Variants in PTCH2 observed in about 807,000 individuals in gnomAD.
PTCH2 encodes protein patched homolog 2.
PTCH2 carries 96 observed loss-of-function variants against 117.9 expected under a neutral mutation model. That is an observed-to-expected ratio of 0.81 (90% CI 0.69 to 0.96). The LOEUF is 0.96. PTCH2 is among the 50% of genes least tolerant of loss of function. The pLI is 0.00. For synonymous variants in PTCH2, 615 were observed against 660.9 expected (o/e 0.93, Z 1.06); for missense variants, 1,379 against 1,562.5 (o/e 0.88, Z 1.98).
Position 44,828,990 on chromosome 1 carries a change from G to A in PTCH2, c.1456C>T (p.Pro486Ser). ...HAFTEALPGT[P>S]LQERMGECLQ... ...GGGGGACAAGGCCCCACCTGGAGAG[G>A]GGTGCCAGGCAGAGCCTCTGTGAAG... Residue 486 changes from proline to serine, a missense_variant, in exon 11 of 22, where the codon CCT becomes TCT. By Grantham distance (74) the Pro-to-Ser change is moderately conservative (BLOSUM62 -1). Transcript: ENST00000372192. 1 of 1,557,766 alleles carries A rather than the reference G, an allele frequency of 6.4e-7. No individual in the cohort carries two copies.
In PTCH2 at chr1:44,831,850, T is replaced by C. The variant is rs1434462196; in HGVS notation, c.526-53A>G. 2 of 1,591,426 alleles carry C rather than the reference T, an allele frequency of 1.3e-6. No individual in the cohort carries two copies. Among genetic ancestry groups the C allele is most frequent in the Non-Finnish European group, 1.7e-6 (2 of 1,159,588 alleles). On this transcript the variant is annotated intron_variant, in intron 4 of 21. Transcript: ENST00000372192. The surrounding 1 kb of genome is among the most constrained non-coding windows in gnomAD (Gnocchi z 4.3). ...GTCCTGCCCCACAACCTTTGTAGGATGCCCTCTGCAATCCCCCTCCTTAGT... is the reference window on the plus strand; with the variant it reads ...GTCCTGCCCCACAACCTTTGTAGGACGCCCTCTGCAATCCCCCTCCTTAGT...
Position 44,827,603 on chromosome 1 carries a change from G to A in PTCH2, c.2170C>T (p.His724Tyr), listed in dbSNP as rs1653221310. 2 of 1,613,804 alleles carry A rather than the reference G, an allele frequency of 1.2e-6. No individual in the cohort carries two copies. Among genetic ancestry groups the A allele is most frequent in the Non-Finnish European group, 1.7e-6 (2 of 1,180,042 alleles). ...TDVVPRGTKE[H>Y]AFLSAQLRYF... ...CTGAGCTGGGCGCTCAGGAAGGCAT[G>A]CTCCTTGGTGCCCCGAGGCACCACA... The change falls in exon 15 of 22, where the codon CAT (histidine) becomes TAT (tyrosine). Residue 724 changes from histidine to tyrosine, a missense_variant. Physicochemically the swap from His to Tyr is moderately conservative, Grantham distance 83 (BLOSUM62 2). Coordinates refer to ENST00000372192, the MANE Select transcript of PTCH2 (RefSeq NM_003738.5).
At position 44,822,092 on chromosome 1, in the gene PTCH2, C is replaced by T. The variant is rs549880657; in HGVS notation, c.*323G>A. Reference sequence around the variant, plus strand: ...GAGAGCCTGCCCAGGAGTCACCAGACGGAAGGGTGCTGGAGGGTCCCTCAG... The same window carrying T: ...GAGAGCCTGCCCAGGAGTCACCAGATGGAAGGGTGCTGGAGGGTCCCTCAG... On this transcript the variant is annotated 3_prime_UTR_variant, in exon 22 of 22. Coordinates refer to ENST00000372192, the MANE Select transcript of PTCH2 (RefSeq NM_003738.5). 49 of 1,374,508 alleles carry T rather than the reference C, an allele frequency of 3.6e-5. 1 individual carries two copies. The South Asian group carries it at 4.1e-4, about 11-fold the overall frequency. The allele number at this position is 1,374,508 out of a possible 1,614,324, so 85.1% of individuals were successfully genotyped here. A position where few individuals can be genotyped will look rare whatever the true frequency, so the allele number is the denominator to read the frequency against.
chr1:44,820,604 T>TC (rs1382980121), downstream of PTCH2: 2 of 687,220 alleles, frequency 2.9e-6, no homozygotes, highest in Non-Finnish European at 5.5e-6. Flanking sequence ...GTATGAGAAA[T>TC]TAGGGACCCG....
intron 2 of PTCH2, 76 bp downstream of exon 2, chr1:44,841,771 A>C (rs1464546349): frequency 6.5e-7 from 1 of 1,540,226 alleles, no homozygotes. Flanking sequence ...GCTAGAGCTC[A>C]GTAGCCAGCT....
At chr1:44,835,690 A>G (rs1272033037) in intron 2 of PTCH2, among the ~76,000 whole-genome samples, 1 of 152,212 alleles carries the variant, frequency 6.6e-6, no homozygotes, top group Non-Finnish European at 1.5e-5. Flanking sequence ...GAGTCATGGT[A>G]GATTTTGGGC....
intron 2 of PTCH2, among the ~76,000 whole-genome samples, chr1:44,833,113 G>A (rs1653531868): frequency 6.6e-6 from 1 of 152,098 alleles, no homozygotes. Context: ...AGGGATTCCC[G>A]GCGCCAGGCC....
At chr1:44,830,778 A>G in intron 6 of PTCH2, 70 bp downstream of exon 6, 1 of 1,457,938 alleles carries the variant, frequency 6.9e-7, no homozygotes, top group Non-Finnish European at 9.2e-7. Context: ...GCTCCCCCAG[A>G]ACACAGGAGT....
intron 19 of PTCH2, among the ~76,000 whole-genome samples, chr1:44,825,726 A>G (rs1242447461): frequency 1.4e-5 from 2 of 147,906 alleles, no homozygotes; most frequent in Non-Finnish European, 3.0e-5. Context: ...GGGGTTTTGC[A>G]ATGTTGGCCA....
chr1:44,831,778 G>T lies in PTCH2; in HGVS notation c.545C>A (p.Pro182Gln). The T allele has an allele frequency of 6.2e-7, 1 of 1,600,604 alleles. No individual in the cohort carries two copies. Among genetic ancestry groups the T allele is most frequent in the Non-Finnish European group, 8.5e-7 (1 of 1,173,514 alleles). Residue 182 changes from proline (P) to glutamine (Q), a missense_variant, in exon 5 of 22, where the codon CCG becomes CAG. By Grantham distance (76) the Pro-to-Gln change is moderately conservative (BLOSUM62 -1). Transcript: ENST00000372192. This position sits in a 1 kb window ranked among gnomAD's most constrained non-coding sequence, Gnocchi z 4.3. ...MIERMIEKLFPCVILTPLDCF... is the reference protein window; with the variant it reads ...MIERMIEKLFQCVILTPLDCF... ...GTCGAGGGGGGTGAGGATCACGCAC[G>T]GAAACAGCTTCTCAATCATCTGCCA... is the stretch of plus-strand genomic sequence containing the variant.
intron 2 of PTCH2, among the ~76,000 whole-genome samples, chr1:44,839,833 TG>T (rs1653862305): frequency 6.6e-6 from 1 of 151,728 alleles, no homozygotes; most frequent in Admixed American, 6.6e-5. Context: ...TCTGCAGGGC[TG>T]GGGGTAGGTA....
At chr1:44,842,836 T>G in intron 1 of PTCH2, 25 bp downstream of exon 1, 1 of 1,542,190 alleles carries the variant, frequency 6.5e-7, no homozygotes, top group Non-Finnish European at 8.8e-7. Context: ...GCTCTCTTCC[T>G]TCTTCCAGCT....
At position 44,831,913 on chromosome 1, in the gene PTCH2, G is replaced by T; in HGVS notation, c.525+62C>A. 6.4e-7 allele frequency: 1 copy of T among 1,573,436 alleles called. No individual in the cohort carries two copies. Among genetic ancestry groups the T allele is most frequent in the Non-Finnish European group, 8.7e-7 (1 of 1,143,110 alleles). On this transcript the variant is annotated intron_variant, in intron 4 of 21. Coordinates refer to ENST00000372192, the MANE Select transcript of PTCH2 (RefSeq NM_003738.5). This position sits in a 1 kb window ranked among gnomAD's most constrained non-coding sequence, Gnocchi z 4.3. ...GATTGCAGGCTGTGGGGCTTGCTCG[G>T]TCTCTGAGTCCTCCCACGCTACAGA...
At chr1:44,841,194 AC>A (rs59372477) in intron 2 of PTCH2, among the ~76,000 whole-genome samples, 9 of 143,262 alleles carry the variant, frequency 6.3e-5, no homozygotes, top group African/African-American at 1.0e-4. Flanking sequence ...CAAAAAAACA[AC>A]CCCCCCCAAA....
intron 19 of PTCH2, among the ~76,000 whole-genome samples, chr1:44,824,588 C>G (rs1002473766): frequency 6.6e-6 from 1 of 151,660 alleles, no homozygotes; most frequent in African/African-American, 2.4e-5. Context: ...GCCTCAAACT[C>G]TGAGGTTCAA....
Position 44,843,238 on chromosome 1 carries a change from T to C in PTCH2, c.-306A>G, listed in dbSNP as rs2148887267. The stretch of plus-strand genomic sequence containing the variant: ...GCTGGCCCGAGACGCACAGCAGGGC[T>C]CGAGGTGGCAACTGCAGTCCCCGGG... On this transcript the variant is annotated 5_prime_UTR_variant, in exon 1 of 22. Transcript: ENST00000372192. 4.1e-6 allele frequency: 4 copies of C among 985,264 alleles called. No homozygotes were observed. The highest frequency in any genetic ancestry group is 1.7e-5 in the African/African-American group (1 of 57,318). The allele number at this position is 985,264 out of a possible 1,614,324, so 61.0% of individuals were successfully genotyped here. A position where few individuals can be genotyped will look rare whatever the true frequency, so the allele number is the denominator to read the frequency against.
chr1:44,822,758 G>A (rs1450389435), intron 21 of PTCH2, 89 bp from the exon 22 acceptor site: 2 of 1,380,832 alleles, frequency 1.4e-6, no homozygotes, highest in African/African-American at 2.9e-5. Context: ...CATGACTGTT[G>A]GGAAGCTGGG....
Position 44,829,170 on chromosome 1 carries a change from G to C in PTCH2, c.1358C>G (p.Ala453Gly). The change falls in exon 10 of 22, where the codon GCT becomes GGT. Residue 453 changes from alanine to glycine, a missense_variant. Transcript: ENST00000372192. ...LCALLGITFN[A>G]ATTQVLPFLA... ...GTCCTGGCGTACCTGGGTAGTGGCAGCATTGAAGGTGATGCCGAGCAGGGC... is the reference window on the plus strand; with the variant it reads ...GTCCTGGCGTACCTGGGTAGTGGCACCATTGAAGGTGATGCCGAGCAGGGC... 6.2e-7 allele frequency: 1 copy of C among 1,613,820 alleles called. No individual in the cohort carries two copies. Among genetic ancestry groups the C allele is most frequent in the East Asian group, 2.2e-5 (1 of 44,892 alleles).
Position 44,832,294 on chromosome 1 carries a change from C to T in PTCH2, c.313G>A (p.Gly105Arg), listed in dbSNP as rs1653492333. ...TGAGAGGTGTATGCAGCCTCCTCCC[C>T]CAGCTTCTCCTTGGTGTAATGCAGC... ...QELHYTKEKLGEEAAYTSQML... is the reference protein window; with the variant it reads ...QELHYTKEKLREEAAYTSQML... Residue 105 changes from glycine to arginine, a missense_variant, in exon 3 of 22, where the codon GGG (glycine) becomes AGG (arginine). Physicochemically the swap from Gly to Arg is moderately radical, Grantham distance 125. Coordinates refer to ENST00000372192, the MANE Select transcript of PTCH2 (RefSeq NM_003738.5). The T allele has an allele frequency of 2.5e-6, 4 of 1,614,232 alleles. No individual in the cohort carries two copies. Among genetic ancestry groups the T allele is most frequent in the Middle Eastern group, 1.6e-4 (1 of 6,062 alleles).
Sources: gnomAD v4.1 joint callset for allele counts (sites outside exome capture counted in the v4.1 genomes callset) on GRCh38, gnomAD v4.1.1 for gene constraint, Gnocchi (gnomAD v3.1) non-coding constraint, MANE v1.5 for transcripts, NCBI Gene and HGNC (gene_info 2026-07-23, HGNC 2026-07-21) for gene names.